The following MYO3A variants were observed in gnomAD, a reference collection of about 807,000 sequenced individuals.
MYO3A encodes myosin-IIIa.
In MYO3A, 180 loss-of-function variants were observed where a neutral mutation model predicts 192.7. The observed-to-expected ratio is 0.93, with a 90% CI of 0.83 to 1.06. The LOEUF (loss-of-function observed/expected upper bound fraction) is 1.06, where lower values mean the gene tolerates loss of function less well. Ranked by LOEUF, MYO3A falls within the 50% of genes least tolerant of loss-of-function variation. The pLI is 0.00. For missense variants in MYO3A, 1,896 were observed against 1,905.0 expected (o/e 1.00, Z 0.09); for synonymous variants, 628 against 645.3 (o/e 0.97, Z 0.41).
intron 4 of MYO3A, among the ~76,000 whole-genome samples, chr10:25,959,367 G>A (rs1445216437): frequency 6.6e-6 from 1 of 152,020 alleles, no homozygotes; most frequent in African/African-American, 2.4e-5. Context: ...AGTTTCAAAG[G>A]GTTGATGAGA....
chr10:26,034,567 AG>A (rs2131172901), intron 10 of MYO3A, among the ~76,000 whole-genome samples: 1 of 152,382 alleles, frequency 6.6e-6, no homozygotes, highest in Admixed American at 6.5e-5. Context: ...GCTTTTATTT[AG>A]ATAGGAATCT....
chr10:26,170,099 CA>C (rs1313881381), intron 28 of MYO3A, among the ~76,000 whole-genome samples: 1 of 152,008 alleles, frequency 6.6e-6, no homozygotes, highest in East Asian at 1.9e-4. Flanking sequence ...AAACACATAG[CA>C]AAAAAATGAA....
chr10:26,120,000 C>CAAA (rs11372606), intron 17 of MYO3A, among the ~76,000 whole-genome samples: 73 of 126,144 alleles, frequency 5.8e-4, no homozygotes, highest in Middle Eastern at 3.9e-3. Flanking sequence ...TATAAAATAC[C>CAAA]AAAAAAAAAA....
intron 10 of MYO3A, among the ~76,000 whole-genome samples, chr10:26,044,704 T>C (rs1224121829): frequency 1.3e-5 from 2 of 152,148 alleles, no homozygotes; most frequent in Non-Finnish European, 2.9e-5. Context: ...ACATTGGCTC[T>C]TAACAAAAGC....
chr10:26,188,686 G>A (rs1292753442), intron 31 of MYO3A, among the ~76,000 whole-genome samples: 1 of 152,164 alleles, frequency 6.6e-6, no homozygotes, highest in Admixed American at 6.5e-5. Context: ...AAGGGATCCA[G>A]TTTCAGCTTT....
At chr10:26,011,883 T>C (rs1841683832) in intron 6 of MYO3A, among the ~76,000 whole-genome samples, 1 of 152,156 alleles carries the variant, frequency 6.6e-6, no homozygotes, top group Admixed American at 6.6e-5. Context: ...CAACAGCACG[T>C]CAAGAAGATA....
chr10:26,126,237 TG>T (rs1163764519), intron 19 of MYO3A, among the ~76,000 whole-genome samples: 2 of 152,184 alleles, frequency 1.3e-5, no homozygotes, highest in Non-Finnish European at 2.9e-5. Flanking sequence ...GGCTTATACA[TG>T]GACACAAGTC....
At chr10:26,086,310 G>A (rs979506325) in intron 14 of MYO3A, among the ~76,000 whole-genome samples, 9 of 152,096 alleles carry the variant, frequency 5.9e-5, no homozygotes, top group Non-Finnish European at 1.3e-4. Context: ...CAGTGAGGGG[G>A]AAATCCGCCC....
chr10:26,114,077 C>T (rs1838355467), intron 17 of MYO3A, among the ~76,000 whole-genome samples: 1 of 152,160 alleles, frequency 6.6e-6, no homozygotes, highest in South Asian at 2.1e-4. Flanking sequence ...AACATCCCAT[C>T]CTGGGTTCCC....
chr10:26,125,699 G>A, intron 19 of MYO3A, 91 bp downstream of exon 19: 1 of 1,107,502 alleles, frequency 9.0e-7, no homozygotes, highest in Non-Finnish European at 1.4e-6. Flanking sequence ...TCTCTTTCAA[G>A]ATGTTTCTAT....
chr10:25,991,465 C>A (rs1429927032), intron 4 of MYO3A, among the ~76,000 whole-genome samples: 3 of 152,124 alleles, frequency 2.0e-5, no homozygotes, highest in South Asian at 4.1e-4. Flanking sequence ...CTGTAGGATG[C>A]CTGTTCACTC....
At chr10:25,992,920 T>C (rs1405870947) in intron 4 of MYO3A, among the ~76,000 whole-genome samples, 3 of 152,238 alleles carry the variant, frequency 2.0e-5, no homozygotes, top group Non-Finnish European at 4.4e-5. Flanking sequence ...CAGTATTTTA[T>C]TGAGGATATT....
At chr10:26,118,145 G>A (rs1838631798) in intron 17 of MYO3A, among the ~76,000 whole-genome samples, 3 of 151,790 alleles carry the variant, frequency 2.0e-5, no homozygotes, top group African/African-American at 7.3e-5. Context: ...GTCTTCTTTT[G>A]AGAAGTGTCT....
chr10:26,048,520 C>T (rs1843768236), intron 10 of MYO3A, among the ~76,000 whole-genome samples: 1 of 151,446 alleles, frequency 6.6e-6, no homozygotes, highest in Non-Finnish European at 1.5e-5. Context: ...ACAAGGGGAA[C>T]TTGTGCTATA....
At chr10:26,036,965 C>T (rs1843072662) in intron 10 of MYO3A, among the ~76,000 whole-genome samples, 1 of 152,356 alleles carries the variant, frequency 6.6e-6, no homozygotes, top group African/African-American at 2.4e-5. Context: ...TCATACATCA[C>T]TTTGTTCTTC....
rs115835368 is a variant in MYO3A at position 25,974,081 on chromosome 10, A to C, written c.303+19073A>C. 7.9e-3 allele frequency among the ~76,000 whole-genome samples: 1,196 copies of C among 152,348 alleles called. 15 individuals are homozygous for C. The highest frequency in any genetic ancestry group is 0.027 in the African/African-American group (1,120 of 41,582). On this transcript the variant is annotated intron_variant, in intron 4 of 34. Coordinates refer to ENST00000642920, the MANE Select transcript of MYO3A (RefSeq NM_017433.5). ...AAAAGCAATTGCAACAAAAGCCCAA[A>C]TCGACAAATGGGATCTAATTCAACT...
intron 23 of MYO3A, 62 bp downstream of exon 23, chr10:26,147,621 C>A (rs1286303434): frequency 6.2e-7 from 1 of 1,607,274 alleles, no homozygotes; most frequent in African/African-American, 1.3e-5. Context: ...TCTATCTCTG[C>A]GCTTTTCACT....
At chr10:25,938,656 C>T (rs1750536036) in intron 2 of MYO3A, among the ~76,000 whole-genome samples, 1 of 152,086 alleles carries the variant, frequency 6.6e-6, no homozygotes, top group African/African-American at 2.4e-5. Flanking sequence ...GAATAGTATT[C>T]TACAGAATAT....
chr10:26,154,457 G>A (rs756132038), intron 24 of MYO3A, among the ~76,000 whole-genome samples: 2 of 152,156 alleles, frequency 1.3e-5, no homozygotes, highest in Non-Finnish European at 2.9e-5. Flanking sequence ...TGGCATTACA[G>A]GCATGAGCCA....
Sources: allele counts gnomAD v4.1 joint callset (sites outside exome capture counted in the v4.1 genomes callset), GRCh38; gene constraint gnomAD v4.1.1; transcripts MANE v1.5; gene names NCBI Gene and HGNC (gene_info 2026-07-23, HGNC 2026-07-21).